Variants in FAM149A observed in about 807,000 individuals in gnomAD.
The protein encoded by FAM149A is protein FAM149A.
A neutral mutation model predicts 78.2 loss-of-function variants in FAM149A; 71 were observed. The ratio of observed to expected loss-of-function variants is 0.91; its 90% CI spans 0.75 to 1.11. FAM149A has a LOEUF of 1.11. FAM149A is among the 50% of genes least tolerant of loss of function. FAM149A has a pLI of 0.00. For missense variants in FAM149A, 1,036 were observed against 971.0 expected (o/e 1.07, Z -0.89); for synonymous variants, 446 against 410.5 (o/e 1.09, Z -1.04).
Position 186,171,970 on chromosome 4 carries a change from T to C in FAM149A, c.2275T>C (p.Phe759Leu), listed in dbSNP as rs115469004. ...GACAACTTTGACTTTCAAGAGGAGA[T>C]TCCAAGTGACATCTTGAAACCACCT... Residue 759 changes from phenylalanine (F) to leucine (L), a missense_variant, in exon 14 of 14, where the codon TTC becomes CTC. By Grantham distance (22) the Phe-to-Leu change is conservative. Transcript: ENST00000389354. The C allele has an allele frequency of 1.3e-3, 2,097 of 1,612,552 alleles. 3 individuals are homozygous for C. The highest frequency in any genetic ancestry group is 1.6e-3 in the Non-Finnish European group (1,866 of 1,179,264).
rs1321934711 is a variant in FAM149A at position 186,144,923 on chromosome 4, CGGCGGG to C, written c.567-4249_567-4244del. The C allele has an allele frequency of 1.1e-6, 1 of 886,570 alleles. No homozygotes were observed. Among genetic ancestry groups the C allele is most frequent in the Admixed American group, 1.1e-4 (1 of 9,172 alleles). The allele number at this position is 886,570 out of a possible 1,614,324, so 54.9% of individuals were successfully genotyped here. ...GGCCGCCTGAGCTGGGCCAGCCGCG[CGGCGGG>C]CGCGGGCGCGGGCGCGGGCGCGGGC... On this transcript the variant is annotated intron_variant, in intron 1 of 13. Coordinates refer to ENST00000389354, the MANE Select transcript of FAM149A (RefSeq NM_001367768.3). This position sits in a 1 kb window ranked among gnomAD's most constrained non-coding sequence, Gnocchi z 4.2.
At chr4:186,157,305 T>C (rs1471908677) in intron 7 of FAM149A, among the ~76,000 whole-genome samples, 1 of 152,174 alleles carries the variant, frequency 6.6e-6, no homozygotes, top group Admixed American at 6.5e-5. Context: ...TTTCCAGTAT[T>C]TAAGGAATTA....
chr4:186,127,055 A>ACTT, intron 1 of FAM149A: 1 of 985,362 alleles, frequency 1.0e-6, no homozygotes, highest in South Asian at 4.7e-5. Context: ...CAGGACAGTT[A>ACTT]CTTCACAGGC....
intron 1 of FAM149A, chr4:186,132,257 A>T: frequency 1.0e-6 from 1 of 971,140 alleles, no homozygotes; most frequent in Non-Finnish European, 1.2e-6. Flanking sequence ...ATTACAGCAA[A>T]TTTAGTTCAA....
intron 1 of FAM149A, 116 bp downstream of exon 1, chr4:186,105,758 T>C (rs13123385): frequency 0.13 from 98,078 of 731,384 alleles, 6,836 homozygotes; most frequent in African/African-American, 0.14. Flanking sequence ...GTAGTAACTT[T>C]CATAACCCCC....
At chr4:186,110,635 A>C (rs1291854954) in intron 1 of FAM149A, among the ~76,000 whole-genome samples, 1 of 132,806 alleles carries the variant, frequency 7.5e-6, no homozygotes, top group African/African-American at 2.9e-5. Flanking sequence ...ATGAGTGAGA[A>C]TATGCGGTGT....
At chr4:186,118,861 A>G (rs2099314813) in intron 1 of FAM149A, among the ~76,000 whole-genome samples, 2 of 152,098 alleles carry the variant, frequency 1.3e-5, no homozygotes, top group African/African-American at 4.8e-5. Flanking sequence ...TCCCATTCTT[A>G]TTCCTGCTTT....
intron 1 of FAM149A, chr4:186,117,692 T>A (rs2099314321): frequency 5.1e-6 from 5 of 976,688 alleles, no homozygotes; most frequent in Non-Finnish European, 6.1e-6. Flanking sequence ...TACTGGGCTC[T>A]CTTTAGTAAA....
chr4:186,146,324 A>T, intron 1 of FAM149A: 1 of 238,624 alleles, frequency 4.2e-6, no homozygotes, highest in Non-Finnish European at 6.8e-6. Context: ...GGGGAGTTTT[A>T]AGGCACCTAA....
At chr4:186,119,044 C>T (rs1033144445) in intron 1 of FAM149A, among the ~76,000 whole-genome samples, 1 of 152,058 alleles carries the variant, frequency 6.6e-6, no homozygotes, top group Non-Finnish European at 1.5e-5. Flanking sequence ...TTACAAATAC[C>T]ATTCCACATA....
chr4:186,126,156 C>G (rs547564396), intron 1 of FAM149A: 5 of 930,504 alleles, frequency 5.4e-6, no homozygotes, highest in African/African-American at 1.8e-5. Context: ...CCTGTCCATA[C>G]TACTCATTAC....
intron 8 of FAM149A, among the ~76,000 whole-genome samples, chr4:186,162,448 C>T (rs1387322674): frequency 6.6e-6 from 1 of 152,196 alleles, no homozygotes; most frequent in African/African-American, 2.4e-5. Flanking sequence ...CCAGTGCTCC[C>T]TTGCCCTCCA....
chr4:186,162,779 G>A, intron 8 of FAM149A, 66 bp from the exon 9 acceptor site: 2 of 829,666 alleles, frequency 2.4e-6, no homozygotes, highest in Non-Finnish European at 3.9e-6. Flanking sequence ...ACAAGCATCA[G>A]TCATTGGAAC....
At chr4:186,141,451 A>G (rs1032729124) in intron 1 of FAM149A, among the ~76,000 whole-genome samples, 9 of 152,212 alleles carry the variant, frequency 5.9e-5, no homozygotes, top group South Asian at 2.1e-4. Flanking sequence ...AAAATTTAAA[A>G]TTGTATGTAT....
chr4:186,148,059 G>T lies in FAM149A; in HGVS notation c.567-1114G>T, dbSNP rs190259655. Among the ~76,000 whole-genome samples, 395 of 152,310 alleles carry T rather than the reference G, an allele frequency of 2.6e-3. 14 individuals carry two copies. Among genetic ancestry groups the T allele is most frequent in the Admixed American group, 0.024 (364 of 15,304 alleles). ...TTCTCTTTGTTGGCTGGGTGTGGTG[G>T]CTCATGCCTGTAATCCCAGCACTTT... On this transcript the variant is annotated intron_variant, in intron 1 of 13. Coordinates refer to ENST00000389354, the MANE Select transcript of FAM149A (RefSeq NM_001367768.3).
Position 186,105,001 on chromosome 4 carries a change from C to T in FAM149A, c.-76C>T. ...GGGGACCTCAGGCTCCTCGCCCCGG[C>T]CCGGGCCGCCTCGGCCGGATCTCCG... is the stretch of plus-strand genomic sequence containing the variant. On this transcript the variant is annotated 5_prime_UTR_variant, in exon 1 of 14. Coordinates refer to ENST00000389354, the MANE Select transcript of FAM149A (RefSeq NM_001367768.3). 8.1e-7 allele frequency: 1 copy of T among 1,235,580 alleles called. No homozygotes were observed. The highest frequency in any genetic ancestry group is 1.3e-5 in the South Asian group (1 of 74,660). The allele number at this position is 1,235,580 out of a possible 1,614,324, so 76.5% of individuals were successfully genotyped here.
chr4:186,116,848 T>A (rs375763140), intron 1 of FAM149A: 4 of 761,496 alleles, frequency 5.3e-6, no homozygotes, highest in East Asian at 1.3e-4. Context: ...AGCATGGCCC[T>A]TGTGCCAAGC....
At chr4:186,169,457 C>T (rs1196038547) in intron 13 of FAM149A, 7 of 983,462 alleles carry the variant, frequency 7.1e-6, no homozygotes, top group East Asian at 1.1e-4. Context: ...AGCTTGGGAG[C>T]GGGAGGCCTA....
intron 1 of FAM149A, chr4:186,132,045 A>G (rs2099320958): frequency 4.1e-6 from 4 of 985,344 alleles, no homozygotes; most frequent in South Asian, 9.4e-5. Flanking sequence ...TTGGAACACA[A>G]AACACAAAAT....
Sources: allele counts gnomAD v4.1 joint callset (sites outside exome capture counted in the v4.1 genomes callset), GRCh38; gene constraint gnomAD v4.1.1; non-coding constraint Gnocchi (gnomAD v3.1); transcripts MANE v1.5; gene names NCBI Gene and HGNC (gene_info 2026-07-23, HGNC 2026-07-21).